The following SPAM1 variants were observed in gnomAD, a reference collection of about 807,000 sequenced individuals.
SPAM1 encodes the protein sperm adhesion molecule 1.
SPAM1 carries 22 observed loss-of-function variants against 29.6 expected under a neutral mutation model. The observed-to-expected ratio is 0.74, with a 90% CI of 0.53 to 1.06. SPAM1 has a LOEUF of 1.06. Ranked by LOEUF, SPAM1 falls within the 50% of genes least tolerant of loss-of-function variation. The probability of loss-of-function intolerance (pLI) is 0.00; values close to 1 mark genes in which losing one functional copy is unlikely to be tolerated. For missense variants in SPAM1, 534 were observed against 604.0 expected, an observed-to-expected ratio of 0.88 and a Z score of 1.21; for synonymous variants, 194 against 204.6, an observed-to-expected ratio of 0.95 and a Z score of 0.44.
downstream of SPAM1, among the ~76,000 whole-genome samples, chr7:123,962,844 G>A (rs1462513774): frequency 6.6e-6 from 1 of 151,802 alleles, no homozygotes; most frequent in African/African-American, 2.4e-5. Flanking sequence ...GGAAGCAAAT[G>A]TGTGTGTATA....
downstream of SPAM1, among the ~76,000 whole-genome samples, chr7:123,964,413 G>A (rs1046671056): frequency 1.3e-5 from 2 of 151,648 alleles, no homozygotes; most frequent in Non-Finnish European, 2.9e-5. Context: ...CTAGATAATA[G>A]ATATAAGGAA....
chr7:123,962,152 T>A (rs1792367775), downstream of SPAM1, among the ~76,000 whole-genome samples: 1 of 152,006 alleles, frequency 6.6e-6, no homozygotes, highest in Non-Finnish European at 1.5e-5. Flanking sequence ...TCACCAAGAG[T>A]TCCCTTTTCC....
intron 1 of SPAM1, among the ~76,000 whole-genome samples, chr7:123,930,070 G>A (rs1808024420): frequency 6.6e-6 from 1 of 151,932 alleles, no homozygotes; most frequent in African/African-American, 2.4e-5. Flanking sequence ...AAAGGGACAT[G>A]TACAGTAGAT....
intron 1 of SPAM1, among the ~76,000 whole-genome samples, chr7:123,939,231 G>T (rs1029617482): frequency 1.3e-5 from 2 of 151,858 alleles, no homozygotes; most frequent in Non-Finnish European, 2.9e-5. Flanking sequence ...GACTACAGGC[G>T]CCCGCCATCA....
intron 2 of SPAM1, among the ~76,000 whole-genome samples, chr7:123,951,610 GTTTTTC>G (rs753861296): frequency 2.0e-5 from 3 of 151,932 alleles, no homozygotes; most frequent in Non-Finnish European, 4.4e-5. Flanking sequence ...TCTGCCCCAT[GTTTTTC>G]TTTTTCTTTT....
At chr7:123,931,265 A>G (rs1188419149) in intron 1 of SPAM1, among the ~76,000 whole-genome samples, 2 of 152,214 alleles carry the variant, frequency 1.3e-5, no homozygotes, top group East Asian at 3.9e-4. Flanking sequence ...TGGGCAGGTC[A>G]TAGATACCAG....
At chr7:123,951,591 T>C (rs1808768172) in intron 2 of SPAM1, among the ~76,000 whole-genome samples, 1 of 152,102 alleles carries the variant, frequency 6.6e-6, no homozygotes, top group African/African-American at 2.4e-5. Flanking sequence ...ACGTTCTCAA[T>C]AGGCTCATTC....
At position 123,953,764 on chromosome 7, in the gene SPAM1, A is replaced by T; in HGVS notation, c.194A>T (p.Asp65Val). 1 of 1,612,928 alleles carries T rather than the reference A, an allele frequency of 6.2e-7. No individual in the cohort carries two copies. Among genetic ancestry groups the T allele is most frequent in the East Asian group, 2.2e-5 (1 of 44,818 alleles). The change falls in exon 3 of 5, where the codon GAT becomes GTT. Residue 65 changes from aspartate to valine, a missense_variant. By Grantham distance (152) the Asp-to-Val change is radical. Coordinates refer to ENST00000682466, the MANE Select transcript of SPAM1 (RefSeq NM_153189.3). ...AGTGAATTTTGTCTTGGAAAATTTG[A>T]TGAGCCACTAGATATGAGCCTCTTC... ...APSEFCLGKF[D>V]EPLDMSLFSF...
At chr7:123,955,222 A>T in intron 4 of SPAM1, 136 bp downstream of exon 4, 1 of 584,050 alleles carries the variant, frequency 1.7e-6, no homozygotes. Flanking sequence ...ATACTGGCTG[A>T]ATCAAAATAC....
At chr7:123,964,888 A>G (rs1008849170), downstream of SPAM1, among the ~76,000 whole-genome samples, 12 of 152,026 alleles carry the variant, frequency 7.9e-5, no homozygotes, top group African/African-American at 2.9e-4. Flanking sequence ...TAATCCTTGA[A>G]TAGTTAGAGT....
chr7:123,935,414 T>G (rs1808221355), intron 1 of SPAM1, among the ~76,000 whole-genome samples: 1 of 152,202 alleles, frequency 6.6e-6, no homozygotes, highest in South Asian at 2.1e-4. Flanking sequence ...TTTTACAGTT[T>G]AAAATACAAA....
chr7:123,929,785 C>G, intron 1 of SPAM1, among the ~76,000 whole-genome samples: 1 of 152,004 alleles, frequency 6.6e-6, no homozygotes, highest in South Asian at 2.1e-4. Flanking sequence ...TTCTGACTAT[C>G]AGCATTTACA....
intron 1 of SPAM1, among the ~76,000 whole-genome samples, chr7:123,938,982 A>G (rs1808341513): frequency 6.6e-6 from 1 of 151,866 alleles, no homozygotes; most frequent in Non-Finnish European, 1.5e-5. Flanking sequence ...ATCAATTATC[A>G]CTGATCTCAG....
chr7:123,938,685 A>G (rs1808331875), intron 1 of SPAM1, among the ~76,000 whole-genome samples: 1 of 152,226 alleles, frequency 6.6e-6, no homozygotes, highest in Non-Finnish European at 1.5e-5. Flanking sequence ...CAAATCATAG[A>G]AATAAAACCC....
chr7:123,965,206 T>G (rs1217738377), intron 5 of SPAM1, among the ~76,000 whole-genome samples: 1 of 151,952 alleles, frequency 6.6e-6, no homozygotes, highest in Non-Finnish European at 1.5e-5. Flanking sequence ...TATACAATAC[T>G]GCTCCTGCAA....
rs185613928 is a variant in SPAM1, at chr7:123,967,630, G to A, written c.1486-2568G>A. On this transcript the variant is annotated intron_variant, in intron 5 of 6. Coordinates refer to the SPAM1 transcript ENST00000340011. ...TGCACATGTGTGGGTGTATGCATGT[G>A]TGTGTGAGAGAGATGGGGAGAGTGT... 8.5e-5 allele frequency among the ~76,000 whole-genome samples: 13 copies of A among 152,094 alleles called. No homozygotes were observed. The East Asian group carries it at 2.5e-3, about 30-fold the overall frequency.
intron 1 of SPAM1, among the ~76,000 whole-genome samples, chr7:123,943,421 G>A (rs148146036): frequency 1.3e-5 from 2 of 152,096 alleles, no homozygotes; most frequent in African/African-American, 4.8e-5. Context: ...CAAGAAAATT[G>A]GTTACTTCTG....
At chr7:123,963,894 G>A (rs1792390438), downstream of SPAM1, among the ~76,000 whole-genome samples, 1 of 151,898 alleles carries the variant, frequency 6.6e-6, no homozygotes, top group Admixed American at 6.6e-5. Flanking sequence ...AAGTTAGCTA[G>A]TACAGTGCTT....
chr7:123,929,406 G>T (rs1807997143), intron 1 of SPAM1, among the ~76,000 whole-genome samples: 1 of 152,106 alleles, frequency 6.6e-6, no homozygotes, highest in Non-Finnish European at 1.5e-5. Context: ...CTAGGGGGTT[G>T]TCTGGCTTGT....
Sources: gnomAD v4.1 joint callset for allele counts (sites outside exome capture counted in the v4.1 genomes callset) on GRCh38, gnomAD v4.1.1 for gene constraint, MANE v1.5 for transcripts, NCBI Gene and HGNC (gene_info 2026-07-23, HGNC 2026-07-21) for gene names.